DNAH8: variants seen among roughly 807,000 people sequenced by gnomAD.
The protein encoded by DNAH8 is axonemal beta dynein heavy chain 8.
A neutral mutation model predicts 562.1 loss-of-function variants in DNAH8; 382 were observed. The observed-to-expected ratio is 0.68, with a 90% CI of 0.63 to 0.74. The LOEUF (loss-of-function observed/expected upper bound fraction) is 0.74. Among genes scored for constraint, DNAH8 ranks in the 30% least tolerant of loss-of-function variants. DNAH8 has a pLI of 0.00. For missense variants in DNAH8, 5,203 were observed against 5,620.4 expected (o/e 0.93, Z 2.37); for synonymous variants, 1,881 against 1,919.4 (o/e 0.98, Z 0.52).
chr6:38,846,198 A>G (rs1775287777), intron 36 of DNAH8, among the ~76,000 whole-genome samples: 1 of 152,202 alleles, frequency 6.6e-6, no homozygotes, highest in Non-Finnish European at 1.5e-5. Flanking sequence ...CACTACAGCA[A>G]TCTACCCATT....
chr6:38,851,413 ACTTTGGTTTTCACCAAACATTGCAGGGGT>A (rs1775733719), intron 38 of DNAH8, among the ~76,000 whole-genome samples, 130 bp from the exon 39 acceptor site: 1 of 152,222 alleles, frequency 6.6e-6, no homozygotes, highest in African/African-American at 2.4e-5. Flanking sequence ...TGGAGCATGG[ACTTTGGTTTTCACCAAACATTGCAGGGGT>A]AGGTGATAAG....
chr6:38,926,028 T>C, intron 73 of DNAH8, 27 bp from the exon 74 acceptor site: 1 of 1,601,476 alleles, frequency 6.2e-7, no homozygotes, highest in South Asian at 1.1e-5. Flanking sequence ...CTCCTTTGAA[T>C]GGTGATATCC....
chr6:38,942,712 G>A (rs9357291), intron 79 of DNAH8, among the ~76,000 whole-genome samples: 35,154 of 152,128 alleles, frequency 0.23, 5,055 homozygotes, highest in Non-Finnish European at 0.32. Flanking sequence ...GATAGCATTT[G>A]TCGTAGCTCA....
chr6:38,940,326 T>C (rs987419234), intron 79 of DNAH8, among the ~76,000 whole-genome samples: 3 of 151,824 alleles, frequency 2.0e-5, no homozygotes, highest in African/African-American at 7.3e-5. Context: ...CAGAAATGAG[T>C]CTATGATTTC....
rs1764224757 is a variant in DNAH8 at position 38,984,304 on chromosome 6, C to T, written c.13050C>T (p.Ala4350=). 1 of 1,583,836 alleles carries T rather than the reference C, an allele frequency of 6.3e-7. No homozygotes were observed. ...ACAAACGTCTACTTAATTGCTTTGCCAGAGTAAGTCAATTTAGAAAAATAA... is the reference window on the plus strand; with the variant it reads ...ACAAACGTCTACTTAATTGCTTTGCTAGAGTAAGTCAATTTAGAAAAATAA... ...DFDKRLLNCF[A]RVWFSEKMFE... The change falls in exon 87 of 93, where the codon GCC becomes GCT. Residue 4350 remains alanine (A), a synonymous_variant. Transcript: ENST00000327475.
intron 3 of DNAH8, among the ~76,000 whole-genome samples, chr6:38,725,417 A>T (rs1763138857): frequency 6.6e-6 from 1 of 152,072 alleles, no homozygotes; most frequent in Non-Finnish European, 1.5e-5. Flanking sequence ...CAGTATCCTT[A>T]TAAGAATGTG....
At chr6:38,980,509 G>T (rs1018996511) in intron 85 of DNAH8, among the ~76,000 whole-genome samples, 4 of 152,118 alleles carry the variant, frequency 2.6e-5, no homozygotes, top group Admixed American at 2.6e-4. Flanking sequence ...GTTCTTCACA[G>T]CTCCTGAGTT....
chr6:38,798,620 G>A (rs1276315109), intron 21 of DNAH8, among the ~76,000 whole-genome samples: 4 of 152,222 alleles, frequency 2.6e-5, no homozygotes, highest in Non-Finnish European at 4.4e-5. Flanking sequence ...TCTGTGCAGT[G>A]GAATGTGTAT....
intron 72 of DNAH8, chr6:38,923,404 GT>G: frequency 2.2e-6 from 1 of 445,956 alleles, no homozygotes; most frequent in Non-Finnish European, 3.8e-6. Flanking sequence ...CAGTATGAGA[GT>G]GCTTTTGATA....
chr6:39,030,402 C>T lies in DNAH8; in HGVS notation c.*10C>T. 11 of 1,610,388 alleles carry T rather than the reference C, an allele frequency of 6.8e-6. No homozygotes were observed. The highest frequency in any genetic ancestry group is 8.5e-6 in the Non-Finnish European group (10 of 1,177,674). On this transcript the variant is annotated 3_prime_UTR_variant, in exon 93 of 93. Coordinates refer to ENST00000327475, the MANE Select transcript of DNAH8 (RefSeq NM_001206927.2). ...GTGTGACATCAAGTAAGTTCATTTC[C>T]ATCTGCTCAGGGCACCAGAACCCAC...
intron 49 of DNAH8, 121 bp downstream of exon 49, chr6:38,870,683 T>C: frequency 1.0e-6 from 1 of 968,252 alleles, no homozygotes. Flanking sequence ...ACATCATATA[T>C]ACATCATTGC....
Position 38,906,298 on chromosome 6 carries a change from A to G in DNAH8, c.9239A>G (p.Tyr3080Cys), listed in dbSNP as rs1248605868. Residue 3080 changes from tyrosine to cysteine, a missense_variant, in exon 63 of 93, where the codon TAC becomes TGC. Physicochemically the swap from Tyr to Cys is radical, Grantham distance 194. Coordinates refer to ENST00000327475, the MANE Select transcript of DNAH8 (RefSeq NM_001206927.2). ...TNLTDDLKAL[Y>C]KVAGADGKGI... Reference sequence around the variant, plus strand: ...CTAACAGATGATTTAAAAGCTTTGTACAAAGTTGCTGGTGCTGATGGAAAA... The same window carrying G: ...CTAACAGATGATTTAAAAGCTTTGTGCAAAGTTGCTGGTGCTGATGGAAAA... The G allele has an allele frequency of 2.5e-6, 4 of 1,607,406 alleles. No homozygotes were observed. Among genetic ancestry groups the G allele is most frequent in the Non-Finnish European group, 3.4e-6 (4 of 1,175,394 alleles).
rs549134860 is a variant in DNAH8 at position 39,018,499 on chromosome 6, C to T, written c.13714+5862C>T. On this transcript the variant is annotated intron_variant, in intron 91 of 92. Coordinates refer to ENST00000327475, the MANE Select transcript of DNAH8 (RefSeq NM_001206927.2). Reference sequence around the variant, plus strand: ...CAACTTCTGTCCTTGGCCTCGGCCCCCTCGTTGATGACCTCAGCCTATGAG... The same window carrying T: ...CAACTTCTGTCCTTGGCCTCGGCCCTCTCGTTGATGACCTCAGCCTATGAG... 3.3e-5 allele frequency among the ~76,000 whole-genome samples: 5 copies of T among 152,318 alleles called. No individual in the cohort carries two copies. The East Asian group carries it at 9.7e-4, about 29-fold the overall frequency.
intron 58 of DNAH8, among the ~76,000 whole-genome samples, chr6:38,892,117 A>G (rs73426168): frequency 0.028 from 4,188 of 152,180 alleles, 201 homozygotes; most frequent in African/African-American, 0.095. Flanking sequence ...CTACCTCATT[A>G]AAGTCCCCCT....
At chr6:38,884,928 G>A (rs1443008731) in intron 56 of DNAH8, among the ~76,000 whole-genome samples, 1 of 150,402 alleles carries the variant, frequency 6.6e-6, no homozygotes, top group African/African-American at 2.5e-5. Flanking sequence ...TCCTCCCACC[G>A]ACCTACACTG....
At chr6:38,751,636 C>A (rs181465760) in intron 9 of DNAH8, among the ~76,000 whole-genome samples, 123 of 152,192 alleles carry the variant, frequency 8.1e-4, no homozygotes, top group Non-Finnish European at 1.5e-3. Context: ...CCATAGAGAT[C>A]CTTTAAAGAA....
intron 10 of DNAH8, among the ~76,000 whole-genome samples, chr6:38,759,071 G>A (rs1453504598): frequency 2.0e-5 from 3 of 152,144 alleles, no homozygotes; most frequent in South Asian, 2.1e-4. Context: ...GGGAGGCTGA[G>A]GTGGGAGGAT....
chr6:38,829,015 T>C (rs1615441), intron 30 of DNAH8, among the ~76,000 whole-genome samples: 32,266 of 152,076 alleles, frequency 0.21, 4,303 homozygotes, highest in African/African-American at 0.37. Context: ...GATTCTTTCA[T>C]TTAACATAAT....
chr6:38,927,092 A>T (rs138722725), intron 74 of DNAH8, among the ~76,000 whole-genome samples: 1,658 of 152,256 alleles, frequency 0.011, 23 homozygotes, highest in South Asian at 0.04. Flanking sequence ...AGGAATTCTG[A>T]TATTTATTGA....
Sources: gnomAD v4.1 joint callset for allele counts (sites outside exome capture counted in the v4.1 genomes callset) on GRCh38, gnomAD v4.1.1 for gene constraint, MANE v1.5 for transcripts, NCBI Gene and HGNC (gene_info 2026-07-23, HGNC 2026-07-21) for gene names.